GNG2: variants seen among roughly 807,000 people sequenced by gnomAD.
GNG2 encodes G protein subunit gamma 2.
Under a neutral mutation model 5.5 loss-of-function variants are expected in GNG2, and 5 were observed. The observed-to-expected ratio is 0.91, with a 90% CI of 0.48 to 1.92. GNG2 has a LOEUF of 1.92. Ranked by LOEUF, GNG2 falls within the 30% of genes most tolerant of loss-of-function variation. The pLI, the probability that GNG2 is intolerant of heterozygous loss-of-function variation, is 0.01. For synonymous variants in GNG2, 28 were observed against 32.0 expected, an observed-to-expected ratio of 0.88 and a Z score of 0.42; for missense variants, 55 against 88.4, an observed-to-expected ratio of 0.62 and a Z score of 1.52.
At chr14:51,966,518 TA>T (rs781287723) in intron 3 of GNG2, 40 bp from the exon 4 acceptor site, 12 of 1,595,578 alleles carry the variant, frequency 7.5e-6, no homozygotes, top group Admixed American at 1.7e-5. Context: ...TGACTGACTG[TA>T]CCAGACTCCA....
At position 51,968,645 on chromosome 14, in the gene GNG2, A is replaced by G. The variant is rs1890056873; in HGVS notation, c.*1958A>G. On this transcript the variant is annotated 3_prime_UTR_variant, in exon 4 of 4. Coordinates refer to ENST00000556766, the MANE Select transcript of GNG2 (RefSeq NM_053064.5). ...CGCCCATGAAGATTTAGGGGTGAAA[A>G]AAACAGCAGAGTATTTATTAAACTA... The G allele has an allele frequency of 6.6e-6, 1 of 152,212 alleles. No homozygotes were observed. Among genetic ancestry groups the G allele is most frequent in the Non-Finnish European group, 1.5e-5 (1 of 68,040 alleles). The allele number at this position is 152,212 out of a possible 1,614,324, so 9.4% of individuals were successfully genotyped here.
At chr14:51,918,936 T>C (rs1408183211) in intron 2 of GNG2, among the ~76,000 whole-genome samples, 1 of 152,218 alleles carries the variant, frequency 6.6e-6, no homozygotes, top group Non-Finnish European at 1.5e-5. Context: ...GCAATTCTCC[T>C]GCCTCAGCCT....
At position 51,919,209 on chromosome 14, in the gene GNG2, C is replaced by T. The variant is rs138024241; in HGVS notation, c.-29-31441C>T. The stretch of plus-strand genomic sequence containing the variant: ...TAGAGAAAGTCTTCATTAATTTAAA[C>T]TCTATTAATTCACACTTTGCTTTAT... On this transcript the variant is annotated intron_variant, in intron 2 of 3. Coordinates refer to ENST00000556766, the MANE Select transcript of GNG2 (RefSeq NM_053064.5). Among the ~76,000 whole-genome samples the T allele has an allele frequency of 7.4e-4, 112 of 152,266 alleles. 1 individual carries two copies. Among genetic ancestry groups the T allele is most frequent in the African/African-American group, 1.9e-3 (80 of 41,544 alleles).
At chr14:51,842,589 A>G (rs546700846) in intron 2 of GNG2, among the ~76,000 whole-genome samples, 1 of 152,326 alleles carries the variant, frequency 6.6e-6, no homozygotes, top group Middle Eastern at 3.4e-3. Context: ...AATTTATTTA[A>G]CAAGATGGTT....
chr14:51,869,165 A>G (rs901116098), intron 1 of GNG2, among the ~76,000 whole-genome samples: 1 of 152,232 alleles, frequency 6.6e-6, no homozygotes, highest in Admixed American at 6.5e-5. Flanking sequence ...TTTGTTAGGC[A>G]TTCAGTTTGT....
Position 51,883,641 on chromosome 14 carries a change from C to A in GNG2, c.-30+5984C>A, listed in dbSNP as rs941936605. ...CATATCCTTGGCAGATGGTAATGAG[C>A]ATTTCTTACAATATGATTCATGGAA... On this transcript the variant is annotated intron_variant, in intron 2 of 3. Transcript: ENST00000556766. Among the ~76,000 whole-genome samples the A allele has an allele frequency of 2.6e-5, 4 of 152,106 alleles. No homozygotes were observed. In the East Asian group the frequency reaches 7.7e-4, roughly 29 times the overall value.
chr14:51,957,055 G>A (rs10873055), intron 3 of GNG2, among the ~76,000 whole-genome samples: 13,597 of 144,754 alleles, frequency 0.094, 2,074 homozygotes, highest in African/African-American at 0.33. Context: ...TCTCAGTCCC[G>A]GTCTGGTTTG....
chr14:51,961,814 A>G (rs1224818432), intron 3 of GNG2, among the ~76,000 whole-genome samples: 2 of 152,156 alleles, frequency 1.3e-5, no homozygotes, highest in African/African-American at 4.8e-5. Flanking sequence ...AGTAAAGGAG[A>G]TATTTGAGAG....
chr14:51,836,890 C>T (rs1193531722), intron 2 of GNG2, among the ~76,000 whole-genome samples: 3 of 140,758 alleles, frequency 2.1e-5, no homozygotes, highest in African/African-American at 7.9e-5. Context: ...CAGAGATTTC[C>T]TCTGTTGCCC....
At chr14:51,886,532 A>G (rs1366862950) in intron 2 of GNG2, among the ~76,000 whole-genome samples, 1 of 152,226 alleles carries the variant, frequency 6.6e-6, no homozygotes, top group Non-Finnish European at 1.5e-5. Context: ...GTTAATTTCA[A>G]GAGTACTTAG....
intron 3 of GNG2, among the ~76,000 whole-genome samples, chr14:51,953,188 A>T (rs962200647): frequency 5.9e-5 from 9 of 152,186 alleles, no homozygotes; most frequent in Non-Finnish European, 1.2e-4. Context: ...CTAGACCCGC[A>T]TCATAAGGTT....
At chr14:51,830,847 C>T (rs2140070070) in intron 2 of GNG2, among the ~76,000 whole-genome samples, 1 of 152,308 alleles carries the variant, frequency 6.6e-6, no homozygotes, top group Non-Finnish European at 1.5e-5. Flanking sequence ...TATGTAGTTG[C>T]TCCTCTAAAG....
In GNG2 at chr14:51,841,682, C is replaced by G. The variant is rs965042359; in HGVS notation, c.64+13875C>G. On this transcript the variant is annotated intron_variant, in intron 2 of 3. Coordinates refer to the GNG2 transcript ENST00000553432. ...TGAAAAGGGAAGGGTAGGATGGAGG[C>G]AGATGAGAAAAATCACTTTGTAGGA... 1.7e-5 allele frequency: 10 copies of G among 603,868 alleles called. No individual in the cohort carries two copies. In the African/African-American group the frequency reaches 1.7e-4, roughly 10 times the overall value. The allele number at this position is 603,868 out of a possible 1,614,324, so 37.4% of individuals were successfully genotyped here.
intron 2 of GNG2, among the ~76,000 whole-genome samples, chr14:51,905,222 A>G (rs117219505): frequency 0.022 from 3,338 of 152,346 alleles, 79 homozygotes; most frequent in South Asian, 0.13. Flanking sequence ...TCCAATCTTG[A>G]GAAAAGTCTA....
At chr14:51,939,914 C>T (rs530891864) in intron 2 of GNG2, 2 of 152,318 alleles carry the variant, frequency 1.3e-5, no homozygotes, top group Non-Finnish European at 2.9e-5. Context: ...AGACTGCAGC[C>T]GAAACACCCT....
At chr14:51,836,579 C>T (rs1438832581) in intron 2 of GNG2, among the ~76,000 whole-genome samples, 3 of 151,996 alleles carry the variant, frequency 2.0e-5, no homozygotes, top group African/African-American at 7.3e-5. Flanking sequence ...GTCCTCTCCC[C>T]TCACCACAAC....
At chr14:51,961,489 T>C (rs974127409) in intron 3 of GNG2, among the ~76,000 whole-genome samples, 2 of 152,186 alleles carry the variant, frequency 1.3e-5, no homozygotes, top group African/African-American at 4.8e-5. Flanking sequence ...GTTCCTGCCT[T>C]CGTGGAGCCC....
intron 2 of GNG2, among the ~76,000 whole-genome samples, chr14:51,833,948 G>GT (rs1881265794): frequency 1.3e-5 from 2 of 149,610 alleles, no homozygotes; most frequent in Admixed American, 6.7e-5. Flanking sequence ...TACAGTAGGT[G>GT]TCTTGAGATC....
chr14:51,942,150 C>T (rs1412702807), intron 2 of GNG2, among the ~76,000 whole-genome samples: 1 of 152,138 alleles, frequency 6.6e-6, no homozygotes, highest in Non-Finnish European at 1.5e-5. Flanking sequence ...ATGCTTAACA[C>T]TTATTCATCA....
Sources: gnomAD v4.1 joint callset for allele counts (sites outside exome capture counted in the v4.1 genomes callset) on GRCh38, gnomAD v4.1.1 for gene constraint, MANE v1.5 for transcripts, NCBI Gene and HGNC (gene_info 2026-07-23, HGNC 2026-07-21) for gene names.